PDCD10: variants seen among roughly 807,000 people sequenced by gnomAD.
PDCD10 encodes the protein programmed cell death protein 10.
A neutral mutation model predicts 29.2 loss-of-function variants in PDCD10; 4 were observed. The ratio of observed to expected loss-of-function variants is 0.14; its 90% CI spans 0.07 to 0.31. The LOEUF (loss-of-function observed/expected upper bound fraction) is 0.31, where lower values mean the gene tolerates loss of function less well. PDCD10 is among the 10% of genes least tolerant of loss of function. PDCD10 has a pLI of 1.00. For synonymous variants in PDCD10, 70 were observed against 82.2 expected (o/e 0.85, Z 0.80); for missense variants, 183 against 257.9 (o/e 0.71, Z 1.99).
At position 167,683,850 on chromosome 3, in the gene PDCD10, TATATATATATATATATACACAC is replaced by T. The variant is rs1719297024; in HGVS notation, c.*436_*457del. The T allele has an allele frequency of 6.7e-6, 1 of 148,196 alleles. No individual in the cohort carries two copies. Among genetic ancestry groups the T allele is most frequent in the African/African-American group, 2.5e-5 (1 of 40,800 alleles). 9.2% of individuals were successfully genotyped at this position (148,196 alleles called of 1,614,324 possible). A position where few individuals can be genotyped will look rare whatever the true frequency, so the allele number is the denominator to read the frequency against. On this transcript the variant is annotated 3_prime_UTR_variant, in exon 9 of 9. Transcript: ENST00000392750. The stretch of plus-strand genomic sequence containing the variant: ...TCTTGGTCTTCTGTTCATATATATA[TATATATATATATATATACACAC>T]ATATATATATGCATTTTTTCAAGTA...
chr3:167,697,644 A>G (rs1454295742), intron 4 of PDCD10, among the ~76,000 whole-genome samples: 1 of 152,214 alleles, frequency 6.6e-6, no homozygotes, highest in Non-Finnish European at 1.5e-5. Context: ...TAATACCTTA[A>G]CTATTTTCCC....
chr3:167,732,346 T>C (rs1308723938), intron 2 of PDCD10, among the ~76,000 whole-genome samples: 2 of 152,182 alleles, frequency 1.3e-5, no homozygotes, highest in Non-Finnish European at 2.9e-5. Context: ...AGATGTATAA[T>C]ATACGGAAGA....
At chr3:167,733,845 A>C (rs1272415758) in intron 2 of PDCD10, among the ~76,000 whole-genome samples, 1 of 152,238 alleles carries the variant, frequency 6.6e-6, no homozygotes, top group East Asian at 1.9e-4. Context: ...CTGTGAGAGT[A>C]GAGTCTATCA....
intron 4 of PDCD10, 184 bp downstream of exon 4, chr3:167,704,658 C>T (rs1022591218): frequency 5.6e-5 from 29 of 521,384 alleles, no homozygotes; most frequent in South Asian, 2.4e-4. Context: ...TGAATGCTAA[C>T]GAAATAACAT....
At chr3:167,720,429 T>C (rs1723452842) in intron 2 of PDCD10, among the ~76,000 whole-genome samples, 156 bp from the exon 3 acceptor site, 1 of 152,126 alleles carries the variant, frequency 6.6e-6, no homozygotes, top group Admixed American at 6.6e-5. Context: ...GGCAAGAAAC[T>C]TACCTTTTCC....
At chr3:167,718,978 ATT>A (rs2108480670) in intron 3 of PDCD10, among the ~76,000 whole-genome samples, 1 of 152,174 alleles carries the variant, frequency 6.6e-6, no homozygotes, top group Admixed American at 6.6e-5. Flanking sequence ...GTGTTTGAAA[ATT>A]TAAAATGTTG....
chr3:167,698,555 A>AC (rs1352196703), intron 4 of PDCD10, among the ~76,000 whole-genome samples: 3 of 151,798 alleles, frequency 2.0e-5, no homozygotes, highest in South Asian at 2.1e-4. Context: ...ACAAAACAAA[A>AC]AAAACTGTGT....
intron 2 of PDCD10, among the ~76,000 whole-genome samples, chr3:167,729,757 A>C (rs952816802): frequency 3.3e-5 from 5 of 152,182 alleles, no homozygotes; most frequent in African/African-American, 1.2e-4. Flanking sequence ...TGCATTCAAT[A>C]AGTAAATGAA....
At chr3:167,722,665 C>T (rs911445536) in intron 2 of PDCD10, among the ~76,000 whole-genome samples, 12 of 152,010 alleles carry the variant, frequency 7.9e-5, no homozygotes, top group African/African-American at 2.9e-4. Context: ...AGGTGAAATA[C>T]TTATGAGAAA....
intron 3 of PDCD10, among the ~76,000 whole-genome samples, chr3:167,712,941 C>T (rs1577355201): frequency 1.3e-5 from 2 of 151,718 alleles, no homozygotes. Context: ...TCCTGGTGTA[C>T]CCAGAAATAT....
chr3:167,720,038 CA>C, intron 3 of PDCD10, 23 bp downstream of exon 3: 1 of 1,367,142 alleles, frequency 7.3e-7, no homozygotes, highest in Non-Finnish European at 1.0e-6. Context: ...AGAGTTCATG[CA>C]AGAACATGTT....
intron 4 of PDCD10, chr3:167,704,571 C>A (rs1407943248): frequency 1.5e-5 from 4 of 267,706 alleles, no homozygotes; most frequent in African/African-American, 6.8e-5. Context: ...AAAAAAAAAC[C>A]CTCAAAAATA....
chr3:167,733,029 G>T (rs370981404), intron 2 of PDCD10, among the ~76,000 whole-genome samples: 1 of 152,016 alleles, frequency 6.6e-6, no homozygotes, highest in Non-Finnish European at 1.5e-5. Flanking sequence ...TTTAAAAATC[G>T]TATTAATTTC....
intron 3 of PDCD10, among the ~76,000 whole-genome samples, chr3:167,708,634 G>A (rs1340354725): frequency 1.3e-5 from 2 of 152,188 alleles, no homozygotes; most frequent in Non-Finnish European, 1.5e-5. Context: ...AAAGACAGAA[G>A]TAATGGAATC....
intron 4 of PDCD10, among the ~76,000 whole-genome samples, chr3:167,701,388 A>T (rs9850708): frequency 0.26 from 39,832 of 152,114 alleles, 5,656 homozygotes; most frequent in African/African-American, 0.36. Context: ...ATTAGAGACA[A>T]GGTCTTCCTA....
intron 4 of PDCD10, among the ~76,000 whole-genome samples, chr3:167,704,365 T>C (rs1215576362): frequency 6.6e-6 from 1 of 152,066 alleles, no homozygotes; most frequent in Admixed American, 6.5e-5. Context: ...GTAGCAAGAA[T>C]GACAGGCACG....
At chr3:167,685,509 T>G (rs185206574) in intron 8 of PDCD10, among the ~76,000 whole-genome samples, 16 of 152,212 alleles carry the variant, frequency 1.1e-4, no homozygotes, top group Admixed American at 5.9e-4. Flanking sequence ...TCAATAATTT[T>G]CTGTTTTGAG....
At chr3:167,693,875 G>C (rs1720518211) in intron 6 of PDCD10, among the ~76,000 whole-genome samples, 1 of 152,178 alleles carries the variant, frequency 6.6e-6, no homozygotes, top group South Asian at 2.1e-4. Context: ...AGGACTGCTT[G>C]AGCCCAGGAG....
intron 3 of PDCD10, among the ~76,000 whole-genome samples, chr3:167,709,158 AC>A (rs1722285795): frequency 6.6e-6 from 1 of 152,052 alleles, no homozygotes; most frequent in South Asian, 2.1e-4. Flanking sequence ...AAAAAAAAAA[AC>A]TAAGAGGGGA....
Sources: allele counts gnomAD v4.1 joint callset (sites outside exome capture counted in the v4.1 genomes callset), GRCh38; gene constraint gnomAD v4.1.1; transcripts MANE v1.5; gene names NCBI Gene and HGNC (gene_info 2026-07-23, HGNC 2026-07-21).